Variants in XKR7 observed in about 807,000 individuals in gnomAD.
XKR7 encodes the protein XK related 7, also known as XK-related protein 7.
A neutral mutation model predicts 42.2 loss-of-function variants in XKR7; 11 were observed. The observed-to-expected ratio is 0.26, with a 90% CI of 0.16 to 0.43. The LOEUF is 0.43. Among genes scored for constraint, XKR7 ranks in the 20% least tolerant of loss-of-function variants. The pLI is 1.00. For missense variants in XKR7, 710 were observed against 802.2 expected, an observed-to-expected ratio of 0.89 and a Z score of 1.39; for synonymous variants, 346 against 366.4, an observed-to-expected ratio of 0.94 and a Z score of 0.64.
At chr20:31,974,268 G>A (rs2064476370) in intron 1 of XKR7, among the ~76,000 whole-genome samples, 1 of 152,138 alleles carries the variant, frequency 6.6e-6, no homozygotes, top group South Asian at 2.1e-4. Flanking sequence ...TGAGGAGGCT[G>A]CTACAAAGAT....
chr20:31,989,190 A>G (rs2064556972), intron 1 of XKR7, among the ~76,000 whole-genome samples: 1 of 152,088 alleles, frequency 6.6e-6, no homozygotes, highest in East Asian at 1.9e-4. Context: ...GGAGCCAGCC[A>G]TGGGAGGATC....
chr20:31,988,579 A>T lies in XKR7; in HGVS notation c.585-6489A>T, dbSNP rs564254343. On this transcript the variant is annotated intron_variant, in intron 1 of 2. Coordinates refer to ENST00000562532, the MANE Select transcript of XKR7 (RefSeq NM_001011718.2). The stretch of plus-strand genomic sequence containing the variant: ...GACAAGCTTCTTCTCTGAGCACAAG[A>T]CTGGGGGTCAGTAAGTTAGATTCCA... 5.2e-4 allele frequency among the ~76,000 whole-genome samples: 79 copies of T among 152,206 alleles called. 1 individual carries two copies. Among genetic ancestry groups the T allele is most frequent in the Middle Eastern group, 3.4e-3 (1 of 294 alleles).
Position 31,968,349 on chromosome 20 carries a change from C to T in XKR7, c.174C>T (p.Cys58=). The T allele has an allele frequency of 6.2e-7, 1 of 1,604,736 alleles. No individual in the cohort carries two copies. Among genetic ancestry groups the T allele is most frequent in the Non-Finnish European group, 8.5e-7 (1 of 1,177,960 alleles). The change falls in exon 1 of 3, where the codon TGC becomes TGT. Residue 58 remains cysteine, a synonymous_variant. Transcript: ENST00000562532. This position sits in a 1 kb window ranked among gnomAD's most constrained non-coding sequence, Gnocchi z 4.5. ...CGCGCTACGAGCTGCGGGACTGCTG[C>T]TGGGTGCTGTGCGCGCTGCTCGTGT... The part of the protein sequence containing the change: ...PGPRYELRDC[C]WVLCALLVFF...
chr20:31,981,263 C>T (rs2064511436), intron 1 of XKR7, among the ~76,000 whole-genome samples: 2 of 151,938 alleles, frequency 1.3e-5, no homozygotes, highest in South Asian at 4.1e-4. Context: ...GTCCCAGCTA[C>T]TTGGGATGCC....
At position 31,968,389 on chromosome 20, in the gene XKR7, G is replaced by A. The variant is rs763410317; in HGVS notation, c.214G>A (p.Ala72Thr). ...CALLVFFSDG[A>T]TDLWLAASYY... ...GCTGCTCGTGTTCTTCTCCGACGGTGCCACGGACCTGTGGCTGGCGGCCTC... is the reference window on the plus strand; with the variant it reads ...GCTGCTCGTGTTCTTCTCCGACGGTACCACGGACCTGTGGCTGGCGGCCTC... Residue 72 changes from alanine (A) to threonine (T), a missense_variant, in exon 1 of 3, where the codon GCC (alanine) becomes ACC (threonine). Transcript: ENST00000562532. This position sits in a 1 kb window ranked among gnomAD's most constrained non-coding sequence, Gnocchi z 4.5. 6 of 1,613,248 alleles carry A rather than the reference G, an allele frequency of 3.7e-6. No individual in the cohort carries two copies. The highest frequency in any genetic ancestry group is 5.1e-6 in the Non-Finnish European group (6 of 1,179,742).
At chr20:31,996,470 A>AGCCCCC in intron 2 of XKR7, 35 bp from the exon 3 acceptor site, 1 of 401,222 alleles carries the variant, frequency 2.5e-6, no homozygotes, top group Non-Finnish European at 4.2e-6. Flanking sequence ...CCCGCCCCTA[A>AGCCCCC]CCCAGCCCAC....
Position 31,997,222 on chromosome 20 carries a change from AG to A in XKR7, c.1507del (p.Val503CysfsTer201). 1 of 1,611,230 alleles carries A rather than the reference AG, an allele frequency of 6.2e-7. No individual in the cohort carries two copies. Among genetic ancestry groups the A allele is most frequent in the Non-Finnish European group, 8.5e-7 (1 of 1,179,806 alleles). ...RAGTPTPPVFQVRPGLPPTPV... is the reference protein window; with the variant it reads ...RAGTPTPPVFXVRPGLPPTPV... ...GGGACCCCCACCCCACCTGTCTTCCAGGTGCGGCCTGGCTTGCCTCCCACAC... is the reference window on the plus strand; with the variant it reads ...GGGACCCCCACCCCACCTGTCTTCCAGTGCGGCCTGGCTTGCCTCCCACAC... On this transcript the variant is annotated frameshift_variant, in exon 3 of 3. Coordinates refer to ENST00000562532, the MANE Select transcript of XKR7 (RefSeq NM_001011718.2). LOFTEE classifies it high-confidence loss of function.
chr20:31,990,098 G>T (rs113439220), intron 1 of XKR7, among the ~76,000 whole-genome samples: 16 of 152,274 alleles, frequency 1.1e-4, no homozygotes, highest in African/African-American at 3.6e-4. Flanking sequence ...TGGTGAGGAG[G>T]AGCCAGCGGC....
intron 1 of XKR7, among the ~76,000 whole-genome samples, chr20:31,991,601 G>A (rs2064570967): frequency 6.6e-6 from 1 of 152,154 alleles, no homozygotes; most frequent in African/African-American, 2.4e-5. Flanking sequence ...TTCAGATAGA[G>A]AATAAAATCT....
chr20:31,991,423 A>G (rs1305154804), intron 1 of XKR7, among the ~76,000 whole-genome samples: 2 of 151,040 alleles, frequency 1.3e-5, no homozygotes, highest in African/African-American at 2.4e-5. Flanking sequence ...ACCTCTGGCC[A>G]TCTCCAGATC....
rs1041870087 is a variant in XKR7 at position 31,973,204 on chromosome 20, C to A, written c.584+4445C>A. Among the ~76,000 whole-genome samples, 5 of 152,178 alleles carry A rather than the reference C, an allele frequency of 3.3e-5. No homozygotes were observed. In the East Asian group the frequency reaches 9.6e-4, roughly 29 times the overall value. ...GGGCTTTGCTCCCTGTGGAACAAAG[C>A]TTTGTTCACGGAGCACATGGCAGGA... On this transcript the variant is annotated intron_variant, in intron 1 of 2. Coordinates refer to ENST00000562532, the MANE Select transcript of XKR7 (RefSeq NM_001011718.2).
rs1600663224 is a variant in XKR7 at position 31,995,113 on chromosome 20, G to T, written c.630G>T (p.Gly210=). 1 of 1,557,660 alleles carries T rather than the reference G, an allele frequency of 6.4e-7. No individual in the cohort carries two copies. ...TGGGGCTGCAGAGCCGCTGGCGCGGGGAGCGGCTGCGGCGCCACTTCTACT... is the reference window on the plus strand; with the variant it reads ...TGGGGCTGCAGAGCCGCTGGCGCGGTGAGCGGCTGCGGCGCCACTTCTACT... ...LYLGLQSRWR[G]ERLRRHFYWQ... is the part of the protein sequence containing the mutation. The change falls in exon 2 of 3, where the codon GGG becomes GGT. Residue 210 remains glycine (G), a synonymous_variant. Coordinates refer to ENST00000562532, the MANE Select transcript of XKR7 (RefSeq NM_001011718.2). This position sits in a 1 kb window ranked among gnomAD's most constrained non-coding sequence, Gnocchi z 4.1.
intron 1 of XKR7, among the ~76,000 whole-genome samples, chr20:31,989,827 G>C (rs766042072): frequency 6.6e-6 from 1 of 152,182 alleles, no homozygotes; most frequent in African/African-American, 2.4e-5. Context: ...TGCCCAGGCT[G>C]GTCTTGAACT....
rs1222622694 is a variant in XKR7, at chr20:31,995,083, G to A, written c.600G>A (p.Leu200=). ...CTTCCCGCAGGTACCTGCGCGCCCT[G>A]TACCTGGGGCTGCAGAGCCGCTGGC... is the stretch of plus-strand genomic sequence containing the variant. The part of the protein sequence containing the change: ...LGQVWRYLRA[L]YLGLQSRWRG... The change falls in exon 2 of 3, where the codon CTG becomes CTA. Residue 200 remains leucine, a synonymous_variant. Transcript: ENST00000562532. This position sits in a 1 kb window ranked among gnomAD's most constrained non-coding sequence, Gnocchi z 4.1. 4 of 1,550,190 alleles carry A rather than the reference G, an allele frequency of 2.6e-6. No homozygotes were observed. The highest frequency in any genetic ancestry group is 2.0e-5 in the Admixed American group (1 of 51,246).
At chr20:31,990,090 G>C (rs1205594778) in intron 1 of XKR7, among the ~76,000 whole-genome samples, 1 of 152,176 alleles carries the variant, frequency 6.6e-6, no homozygotes, top group Admixed American at 6.5e-5. Flanking sequence ...TTGCCTGGTG[G>C]TGAGGAGGAG....
rs141459148 is a variant in XKR7, at chr20:31,968,485, G to A, written c.310G>A (p.Val104Met). The change falls in exon 1 of 3, where the codon GTG becomes ATG. Residue 104 changes from valine (V) to methionine (M), a missense_variant. By Grantham distance (21) the Val-to-Met change is conservative. Coordinates refer to ENST00000562532, the MANE Select transcript of XKR7 (RefSeq NM_001011718.2). The surrounding 1 kb of genome is among the most constrained non-coding windows in gnomAD (Gnocchi z 4.5). ...GTTCGTGCTCCTGCCCTCGCTGGTC[G>A]TGCAGTTACTGAGCTTCCGCTGGTT... ...LLFVLLPSLV[V>M]QLLSFRWFVY... 6.2e-7 allele frequency: 1 copy of A among 1,613,800 alleles called. No individual in the cohort carries two copies. Among genetic ancestry groups the A allele is most frequent in the Non-Finnish European group, 8.5e-7 (1 of 1,179,836 alleles).
At chr20:31,974,579 T>C (rs543583709) in intron 1 of XKR7, among the ~76,000 whole-genome samples, 10 of 152,350 alleles carry the variant, frequency 6.6e-5, no homozygotes, top group Non-Finnish European at 1.0e-4. Flanking sequence ...TAATGTTTAG[T>C]GTTCAGCACA....
chr20:31,988,245 A>G (rs1343383892), intron 1 of XKR7, among the ~76,000 whole-genome samples: 1 of 152,056 alleles, frequency 6.6e-6, no homozygotes. Context: ...AGAACATGGG[A>G]TCCCCTCGTC....
chr20:31,984,696 T>C (rs934120906), intron 1 of XKR7, among the ~76,000 whole-genome samples: 20 of 152,180 alleles, frequency 1.3e-4, no homozygotes, highest in African/African-American at 4.8e-4. Context: ...CTGAGGTCCA[T>C]TGTGTCTTAC....
Sources: gnomAD v4.1 joint callset for allele counts (sites outside exome capture counted in the v4.1 genomes callset) on GRCh38, gnomAD v4.1.1 for gene constraint, Gnocchi (gnomAD v3.1) non-coding constraint, MANE v1.5 for transcripts, NCBI Gene and HGNC (gene_info 2026-07-23, HGNC 2026-07-21) for gene names.